CIB4: variants seen among roughly 807,000 people sequenced by gnomAD.
CIB4 encodes calcium and integrin binding family member 4.
Under a neutral mutation model 25.8 loss-of-function variants are expected in CIB4, and 25 were observed. The observed-to-expected ratio is 0.97, with a 90% confidence interval of 0.71 to 1.35. The LOEUF is 1.35. Ranked by LOEUF, CIB4 falls within the 40% of genes most tolerant of loss-of-function variation. CIB4 has a pLI of 0.00. For missense variants in CIB4, 235 were observed against 228.2 expected, an observed-to-expected ratio of 1.03 and a Z score of -0.19; for synonymous variants, 75 against 81.4, an observed-to-expected ratio of 0.92 and a Z score of 0.42.
At chr2:26,635,900 G>C (rs770621203) in intron 2 of CIB4, among the ~76,000 whole-genome samples, 1 of 152,168 alleles carries the variant, frequency 6.6e-6, no homozygotes, top group Non-Finnish European at 1.5e-5. Context: ...CAGTTAAATA[G>C]ATTAAAAATG....
intron 3 of CIB4, among the ~76,000 whole-genome samples, chr2:26,616,544 C>T (rs996044044): frequency 2.0e-5 from 3 of 152,312 alleles, no homozygotes; most frequent in Middle Eastern, 3.4e-3. Flanking sequence ...AATTCCCAGG[C>T]CTACCACAGG....
chr2:26,613,144 G>A (rs1395554241), intron 3 of CIB4, among the ~76,000 whole-genome samples: 2 of 152,132 alleles, frequency 1.3e-5, no homozygotes, highest in South Asian at 2.1e-4. Flanking sequence ...TCCCACCGGA[G>A]CCTGATCCCC....
chr2:26,641,160 G>T, intron 1 of CIB4, 101 bp downstream of exon 1: 1 of 979,230 alleles, frequency 1.0e-6, no homozygotes, highest in Non-Finnish European at 1.7e-6. Context: ...GCCAAAAATT[G>T]GACACCCCTG....
At chr2:26,603,413 T>C (rs1397046264) in intron 3 of CIB4, among the ~76,000 whole-genome samples, 3 of 152,176 alleles carry the variant, frequency 2.0e-5, no homozygotes, top group Non-Finnish European at 4.4e-5. Context: ...AAAATACCTA[T>C]ATAAAAATAT....
At chr2:26,613,937 G>A (rs1669044819) in intron 3 of CIB4, among the ~76,000 whole-genome samples, 1 of 152,242 alleles carries the variant, frequency 6.6e-6, no homozygotes, top group Non-Finnish European at 1.5e-5. Context: ...GACACCGGCA[G>A]GCAGGTGGCT....
At position 26,594,643 on chromosome 2, in the gene CIB4, A is replaced by G. The variant is rs1219747126; in HGVS notation, c.328+533T>C. 2.0e-5 allele frequency among the ~76,000 whole-genome samples: 3 copies of G among 152,190 alleles called. No individual in the cohort carries two copies. In the East Asian group the frequency reaches 5.8e-4, roughly 29 times the overall value. On this transcript the variant is annotated intron_variant, in intron 4 of 6. Coordinates refer to ENST00000288861, the MANE Select transcript of CIB4 (RefSeq NM_001029881.3). Reference sequence around the variant, plus strand: ...AATTCCCTTGCATCCCAGCTGTGCTAAGCAGACATTTGCCTGGTGAAGAGC... The same window carrying G: ...AATTCCCTTGCATCCCAGCTGTGCTGAGCAGACATTTGCCTGGTGAAGAGC...
At chr2:26,606,159 A>T (rs1668885717) in intron 3 of CIB4, among the ~76,000 whole-genome samples, 1 of 152,202 alleles carries the variant, frequency 6.6e-6, no homozygotes, top group South Asian at 2.1e-4. Context: ...TGAGCAACAG[A>T]CACTGCGCTG....
At chr2:26,581,623 C>G (rs1319040012) in intron 6 of CIB4, among the ~76,000 whole-genome samples, 1 of 152,102 alleles carries the variant, frequency 6.6e-6, no homozygotes, top group Non-Finnish European at 1.5e-5. Context: ...TTGTGGTGCT[C>G]GAATCAGTGG....
chr2:26,610,317 A>G (rs531369201), intron 3 of CIB4, among the ~76,000 whole-genome samples: 3 of 152,224 alleles, frequency 2.0e-5, no homozygotes, highest in Non-Finnish European at 4.4e-5. Flanking sequence ...ATCCACTGAT[A>G]TAAACAGAAA....
At chr2:26,638,729 G>C (rs1669579124) in intron 2 of CIB4, among the ~76,000 whole-genome samples, 1 of 152,196 alleles carries the variant, frequency 6.6e-6, no homozygotes, top group Non-Finnish European at 1.5e-5. Context: ...AAGGTGGGAG[G>C]ATCACTGGAG....
intron 4 of CIB4, among the ~76,000 whole-genome samples, chr2:26,584,563 C>G (rs1328882286): frequency 6.6e-6 from 1 of 152,240 alleles, no homozygotes; most frequent in African/African-American, 2.4e-5. Context: ...GTTAAGGGGA[C>G]AAGAGGCAAT....
chr2:26,638,303 G>A (rs773061924), intron 2 of CIB4, among the ~76,000 whole-genome samples: 15 of 152,198 alleles, frequency 9.9e-5, no homozygotes, highest in Non-Finnish European at 1.3e-4. Flanking sequence ...AAACAGACTG[G>A]AAACAGGATC....
intron 3 of CIB4, among the ~76,000 whole-genome samples, chr2:26,603,663 A>G (rs1281503110): frequency 6.6e-6 from 1 of 152,186 alleles, no homozygotes; most frequent in African/African-American, 2.4e-5. Context: ...ATTATCCATC[A>G]TGCAAAAAAA....
At chr2:26,589,823 C>G (rs1668551395) in intron 4 of CIB4, among the ~76,000 whole-genome samples, 1 of 152,138 alleles carries the variant, frequency 6.6e-6, no homozygotes, top group Admixed American at 6.5e-5. Context: ...TCCAAGAAAG[C>G]TTGTGAAAGG....
rs942902456 is a variant in CIB4 at position 26,591,774 on chromosome 2, C to T, written c.328+3402G>A. On this transcript the variant is annotated intron_variant, in intron 4 of 6. Transcript: ENST00000288861. ...CTCAAGAGTCTCTCCCCCTGGCTGTCTTTAAAGAAGCAAGTGGCCAGGTTG... is the reference window on the plus strand; with the variant it reads ...CTCAAGAGTCTCTCCCCCTGGCTGTTTTTAAAGAAGCAAGTGGCCAGGTTG... Among the ~76,000 whole-genome samples the T allele has an allele frequency of 6.6e-5, 10 of 152,352 alleles. No homozygotes were observed. The East Asian group carries it at 1.3e-3, about 21-fold the overall frequency.
chr2:26,615,254 C>T (rs1030354955), intron 3 of CIB4, among the ~76,000 whole-genome samples: 2 of 152,156 alleles, frequency 1.3e-5, no homozygotes, highest in Non-Finnish European at 2.9e-5. Flanking sequence ...AGCAGAATGC[C>T]TCTCCATCCC....
At chr2:26,605,332 C>G (rs1668867266) in intron 3 of CIB4, among the ~76,000 whole-genome samples, 1 of 152,266 alleles carries the variant, frequency 6.6e-6, no homozygotes, top group Middle Eastern at 3.4e-3. Flanking sequence ...TCCTTCACCC[C>G]TTGTTGGCAG....
chr2:26,593,259 G>C (rs890803076), intron 4 of CIB4, among the ~76,000 whole-genome samples: 3 of 152,032 alleles, frequency 2.0e-5, no homozygotes, highest in Non-Finnish European at 4.4e-5. Flanking sequence ...ACATGAGCCA[G>C]TTCCTAGAAT....
chr2:26,584,197 A>C (rs766803799), intron 4 of CIB4, among the ~76,000 whole-genome samples: 25 of 152,238 alleles, frequency 1.6e-4, no homozygotes, highest in Non-Finnish European at 3.5e-4. Flanking sequence ...TACCAAAAAG[A>C]AACTGAGGCA....
Sources: allele counts gnomAD v4.1 joint callset (sites outside exome capture counted in the v4.1 genomes callset), GRCh38; gene constraint gnomAD v4.1.1; transcripts MANE v1.5; gene names NCBI Gene and HGNC (gene_info 2026-07-23, HGNC 2026-07-21).